The following AIG1 variants were observed in gnomAD, a reference collection of about 807,000 sequenced individuals.
AIG1 encodes the protein androgen induced 1, also known as androgen-induced gene 1 protein.
A neutral mutation model predicts 31.4 loss-of-function variants in AIG1; 23 were observed. That is an observed-to-expected ratio of 0.73 (90% CI 0.53 to 1.04). The LOEUF (loss-of-function observed/expected upper bound fraction) is 1.04. Ranked by LOEUF, AIG1 falls within the 50% of genes least tolerant of loss-of-function variation. AIG1 has a pLI of 0.00. For synonymous variants in AIG1, 100 were observed against 110.5 expected (o/e 0.90, Z 0.60); for missense variants, 274 against 295.0 (o/e 0.93, Z 0.52).
intron 4 of AIG1, among the ~76,000 whole-genome samples, chr6:143,304,834 C>T (rs1413259178): frequency 5.3e-5 from 8 of 152,190 alleles, no homozygotes; most frequent in African/African-American, 1.4e-4. Flanking sequence ...TGGTAGAATT[C>T]GGCTGTGAAT....
downstream of AIG1, chr6:143,342,869 T>A (rs1777883907): frequency 1.2e-6 from 1 of 847,968 alleles, no homozygotes; most frequent in Non-Finnish European, 2.1e-6. Flanking sequence ...TGTTCTCCAA[T>A]GTTGCTGTCA....
At chr6:143,221,770 C>T (rs1459810370) in intron 3 of AIG1, among the ~76,000 whole-genome samples, 1 of 152,160 alleles carries the variant, frequency 6.6e-6, no homozygotes, top group East Asian at 1.9e-4. Flanking sequence ...ATTCATGTAA[C>T]GTGCTTACAG....
chr6:143,295,504 A>G (rs1798363615), intron 4 of AIG1, among the ~76,000 whole-genome samples: 1 of 152,108 alleles, frequency 6.6e-6, no homozygotes, highest in African/African-American at 2.4e-5. Flanking sequence ...TGCTAGCTCC[A>G]GACACAGTGA....
upstream of AIG1, among the ~76,000 whole-genome samples, chr6:143,059,613 T>TA (rs1047740209): frequency 3.3e-5 from 5 of 152,262 alleles, no homozygotes; most frequent in African/African-American, 1.2e-4. Flanking sequence ...TAATGCCAAT[T>TA]AAAAAAATCT....
chr6:143,148,969 C>T (rs180714722), intron 2 of AIG1, among the ~76,000 whole-genome samples: 110 of 152,226 alleles, frequency 7.2e-4, no homozygotes, highest in African/African-American at 2.5e-3. Flanking sequence ...ATAGGCTACA[C>T]CATCTATAGA....
intron 4 of AIG1, among the ~76,000 whole-genome samples, chr6:143,285,290 G>C (rs1797607641): frequency 6.6e-6 from 1 of 151,248 alleles, no homozygotes; most frequent in Non-Finnish European, 1.5e-5. Context: ...TGGATATAAG[G>C]GGACATCCAG....
chr6:143,145,605 A>G (rs1183028568), intron 2 of AIG1, among the ~76,000 whole-genome samples: 2 of 152,208 alleles, frequency 1.3e-5, no homozygotes, highest in Non-Finnish European at 2.9e-5. Context: ...AGCTAGAACC[A>G]GCAGTGTGGG....
intron 1 of AIG1, among the ~76,000 whole-genome samples, chr6:143,077,815 T>G (rs367601722): frequency 6.6e-6 from 1 of 152,348 alleles, no homozygotes; most frequent in African/African-American, 2.4e-5. Context: ...TTCTGCCAAT[T>G]AAAATTCCAC....
intron 1 of AIG1, among the ~76,000 whole-genome samples, chr6:143,076,700 T>G (rs1203343786): frequency 1.4e-5 from 2 of 148,050 alleles, no homozygotes; most frequent in East Asian, 4.0e-4. Context: ...TGAGATGGAG[T>G]CTTGCTTTGT....
intron 2 of AIG1, among the ~76,000 whole-genome samples, chr6:143,141,684 A>G (rs1784259468): frequency 6.6e-6 from 1 of 152,196 alleles, no homozygotes; most frequent in African/African-American, 2.4e-5. Context: ...GGCTCTTCTT[A>G]CCATGTGCAG....
chr6:143,284,565 G>A lies in AIG1; in HGVS notation c.515+340G>A, dbSNP rs1050014527. Among the ~76,000 whole-genome samples, 1 of 152,096 alleles carries A rather than the reference G, an allele frequency of 6.6e-6. No individual in the cohort carries two copies. Among genetic ancestry groups the A allele is most frequent in the Non-Finnish European group, 1.5e-5 (1 of 68,026 alleles). On this transcript the variant is annotated intron_variant, in intron 4 of 5. Coordinates refer to ENST00000357847, the MANE Select transcript of AIG1 (RefSeq NM_016108.4). This position sits in a 1 kb window ranked among gnomAD's most constrained non-coding sequence, Gnocchi z 4.4. ...GATTTTGTTGTTGTTGCTTTTGTTG[G>A]GGGGCAGGGGAGTTGCAGCAAACAC...
chr6:143,149,579 A>G (rs1785019993), intron 2 of AIG1, among the ~76,000 whole-genome samples: 1 of 149,652 alleles, frequency 6.7e-6, no homozygotes, highest in Non-Finnish European at 1.5e-5. Flanking sequence ...GGAGTTGTGT[A>G]GAATCTGGAT....
At chr6:143,194,975 G>C (rs1040358973) in intron 3 of AIG1, among the ~76,000 whole-genome samples, 2 of 152,238 alleles carry the variant, frequency 1.3e-5, no homozygotes, top group Non-Finnish European at 2.9e-5. Context: ...AGGAGTCATA[G>C]TAAGAGATTT....
At chr6:143,269,603 T>A (rs1796363995) in intron 3 of AIG1, among the ~76,000 whole-genome samples, 1 of 152,088 alleles carries the variant, frequency 6.6e-6, no homozygotes, top group Admixed American at 6.5e-5. Flanking sequence ...AATAAATACA[T>A]CATATTATAG....
At chr6:143,189,866 G>T (rs1176010570) in intron 3 of AIG1, 1 of 924,782 alleles carries the variant, frequency 1.1e-6, no homozygotes, top group African/African-American at 1.8e-5. Context: ...GCACAATTGG[G>T]TGGCTTATAA....
At chr6:143,076,673 ATT>A (rs559735679) in intron 1 of AIG1, among the ~76,000 whole-genome samples, 11 of 136,672 alleles carry the variant, frequency 8.0e-5, no homozygotes, top group East Asian at 4.2e-4. Context: ...GGTTATTTGA[ATT>A]TTTTTTTTTT....
chr6:143,180,886 C>T (rs1224452976), intron 3 of AIG1, among the ~76,000 whole-genome samples: 1 of 152,098 alleles, frequency 6.6e-6, no homozygotes, highest in Non-Finnish European at 1.5e-5. Flanking sequence ...GATTTATTCT[C>T]TTCAATATTA....
chr6:143,248,286 G>A (rs77277383), intron 3 of AIG1, among the ~76,000 whole-genome samples: 224 of 152,302 alleles, frequency 1.5e-3, no homozygotes, highest in African/African-American at 5.2e-3. Flanking sequence ...ATAGAGCTAG[G>A]GTTTGCCGCT....
At chr6:143,204,887 T>C (rs1790987548) in intron 3 of AIG1, among the ~76,000 whole-genome samples, 1 of 152,040 alleles carries the variant, frequency 6.6e-6, no homozygotes, top group South Asian at 2.1e-4. Context: ...AGTTAAGTAA[T>C]CCAAGCCTAT....
Sources: allele counts gnomAD v4.1 joint callset (sites outside exome capture counted in the v4.1 genomes callset), GRCh38; gene constraint gnomAD v4.1.1; non-coding constraint Gnocchi (gnomAD v3.1); transcripts MANE v1.5; gene names NCBI Gene and HGNC (gene_info 2026-07-23, HGNC 2026-07-21).